Variants in CDH22 observed in about 807,000 individuals in gnomAD.
CDH22 encodes the protein cadherin-22.
A neutral mutation model predicts 58.4 loss-of-function variants in CDH22; 30 were observed. The ratio of observed to expected loss-of-function variants is 0.51; its 90% confidence interval spans 0.38 to 0.70. The LOEUF is 0.70. Ranked by LOEUF, CDH22 falls within the 30% of genes least tolerant of loss-of-function variation. The probability of loss-of-function intolerance (pLI) is 0.00; values close to 1 mark genes in which losing one functional copy is unlikely to be tolerated. For missense variants in CDH22, 1,014 were observed against 1,233.9 expected, an observed-to-expected ratio of 0.82 and a Z score of 2.67; for synonymous variants, 513 against 558.2, an observed-to-expected ratio of 0.92 and a Z score of 1.14.
chr20:46,277,916 G>A (rs943951204), intron 1 of CDH22, among the ~76,000 whole-genome samples: 3 of 152,010 alleles, frequency 2.0e-5, no homozygotes, highest in Admixed American at 2.0e-4. Flanking sequence ...AGGCAGGGCC[G>A]AGGGAGGGCT....
In CDH22 at chr20:46,210,441, G is replaced by A. The variant is rs763419403; in HGVS notation, c.1152C>T (p.Ala384=). 1 of 1,447,674 alleles carries A rather than the reference G, an allele frequency of 6.9e-7. No homozygotes were observed. The highest frequency in any genetic ancestry group is 1.5e-5 in the South Asian group (1 of 67,828). The allele number at this position is 1,447,674 out of a possible 1,614,324, so 89.7% of individuals were successfully genotyped here. Residue 384 remains alanine, a synonymous_variant, in exon 7 of 12, where the codon GCC becomes GCT. Transcript: ENST00000537909. The surrounding 1 kb of genome is among the most constrained non-coding windows in gnomAD (Gnocchi z 4.5). ...CGGGGGGCTCGTCCACGTCGGTCAC[G>A]GCCACGCGCACGATCGCCTGGTCGC... ...TFRDQAIVRV[A]VTDVDEPPEF... is the part of the protein sequence containing the mutation.
rs372950957 is a variant in CDH22 at position 46,178,049 on chromosome 20, G to A, written c.1812C>T (p.Ser604=). 4.5e-5 allele frequency: 72 copies of A among 1,613,744 alleles called. No homozygotes were observed. Among genetic ancestry groups the A allele is most frequent in the Non-Finnish European group, 5.5e-5 (65 of 1,179,986 alleles). Residue 604 remains serine, a synonymous_variant, in exon 11 of 12, where the codon AGC becomes AGT. Coordinates refer to ENST00000537909, the MANE Select transcript of CDH22 (RefSeq NM_021248.3). Reference sequence around the variant, plus strand: ...TGTTGCAGGACTGGATGGTGCCGGAGCTGTCGCAGCCACAGATGCGGATGG... The same window carrying A: ...TGTTGCAGGACTGGATGGTGCCGGAACTGTCGCAGCCACAGATGCGGATGG... ...TLTIRICGCD[S]SGTIQSCNTT...
At chr20:46,192,957 G>A (rs2085872207) in intron 8 of CDH22, among the ~76,000 whole-genome samples, 1 of 152,044 alleles carries the variant, frequency 6.6e-6, no homozygotes, top group African/African-American at 2.4e-5. Context: ...GCCCTTCTCT[G>A]TCCCTTGAAG....
intron 8 of CDH22, 33 bp from the exon 9 acceptor site, chr20:46,186,980 C>T: frequency 6.5e-7 from 1 of 1,537,240 alleles, no homozygotes; most frequent in Non-Finnish European, 8.8e-7. Flanking sequence ...AGGGGAGAGG[C>T]ATCAAGTGGG....
chr20:46,221,028 C>T (rs1181925691), intron 4 of CDH22, among the ~76,000 whole-genome samples: 1 of 152,116 alleles, frequency 6.6e-6, no homozygotes, highest in East Asian at 1.9e-4. Flanking sequence ...TTGATAAGCC[C>T]CTGTATGCTG....
At chr20:46,297,053 T>C (rs1485595953) in intron 1 of CDH22, among the ~76,000 whole-genome samples, 2 of 152,134 alleles carry the variant, frequency 1.3e-5, no homozygotes, top group Non-Finnish European at 2.9e-5. Context: ...TGAAGCTGGC[T>C]GAGTTGATGC....
chr20:46,260,564 T>C (rs894885659), intron 1 of CDH22, among the ~76,000 whole-genome samples: 1 of 152,174 alleles, frequency 6.6e-6, no homozygotes, highest in Non-Finnish European at 1.5e-5. Flanking sequence ...AACTGGGGCC[T>C]GGGAGGGACT....
At position 46,251,029 on chromosome 20, in the gene CDH22, C is replaced by A. The variant is rs1216439050; in HGVS notation, c.255+11G>T. On this transcript the variant is annotated intron_variant, in intron 2 of 11. Transcript: ENST00000537909. The surrounding 1 kb of genome is among the most constrained non-coding windows in gnomAD (Gnocchi z 6.7). ...CCTGGGATCTGGAGTTGGAGTGGGG[C>A]CCCACTTTACCTTGCCCACATACAG... The A allele has an allele frequency of 1.9e-6, 3 of 1,583,280 alleles. No individual in the cohort carries two copies. Among genetic ancestry groups the A allele is most frequent in the African/African-American group, 2.7e-5 (2 of 73,994 alleles).
intron 1 of CDH22, among the ~76,000 whole-genome samples, chr20:46,303,594 G>A (rs940343446): frequency 2.0e-5 from 3 of 152,176 alleles, no homozygotes; most frequent in Non-Finnish European, 4.4e-5. Flanking sequence ...GATAATGAAT[G>A]TATGGTCAGA....
chr20:46,232,168 T>C (rs914773188), intron 3 of CDH22, among the ~76,000 whole-genome samples: 2 of 152,210 alleles, frequency 1.3e-5, no homozygotes, highest in African/African-American at 4.8e-5. Flanking sequence ...ATTCTTTTTT[T>C]TTCTTATCCC....
rs6104508 is a variant in CDH22 at position 46,228,556 on chromosome 20, G to C, written c.551-929C>G. Among the ~76,000 whole-genome samples the C allele has an allele frequency of 4.2e-3, 632 of 152,166 alleles. 6 individuals carry two copies. Among genetic ancestry groups the C allele is most frequent in the African/African-American group, 0.014 (596 of 41,512 alleles). Reference sequence around the variant, plus strand: ...GGGACGTGAGGCTAGACCAGGTGGGGGTGGGGGTAAGGGTGGGGGAGGGTC... The same window carrying C: ...GGGACGTGAGGCTAGACCAGGTGGGCGTGGGGGTAAGGGTGGGGGAGGGTC... On this transcript the variant is annotated intron_variant, in intron 3 of 11. Coordinates refer to ENST00000537909, the MANE Select transcript of CDH22 (RefSeq NM_021248.3).
intron 1 of CDH22, among the ~76,000 whole-genome samples, chr20:46,253,319 T>C (rs1293217842): frequency 6.6e-6 from 1 of 151,940 alleles, no homozygotes; most frequent in East Asian, 1.9e-4. Context: ...AGTTTCAGGG[T>C]GGGGAGTCAT....
At position 46,216,332 on chromosome 20, in the gene CDH22, C is replaced by T. The variant is rs2086084944; in HGVS notation, c.838+494G>A. Among the ~76,000 whole-genome samples the T allele has an allele frequency of 6.6e-6, 1 of 152,234 alleles. No individual in the cohort carries two copies. The highest frequency in any genetic ancestry group is 2.4e-5 in the African/African-American group (1 of 41,460). ...CAGGCTCAGAGGAGGAGGGAAATGC[C>T]TGTCACTCAGACTTAGTTTTTCTCT... On this transcript the variant is annotated intron_variant, in intron 5 of 11. Coordinates refer to ENST00000537909, the MANE Select transcript of CDH22 (RefSeq NM_021248.3). The surrounding 1 kb of genome is among the most constrained non-coding windows in gnomAD (Gnocchi z 5.3).
chr20:46,192,996 A>G (rs1233240468), intron 8 of CDH22, among the ~76,000 whole-genome samples: 1 of 151,972 alleles, frequency 6.6e-6, no homozygotes, highest in Non-Finnish European at 1.5e-5. Context: ...TGGTTTCCAC[A>G]TGGAGACTGG....
chr20:46,175,589 C>G (rs1166198934), intron 11 of CDH22, among the ~76,000 whole-genome samples: 1 of 152,192 alleles, frequency 6.6e-6, no homozygotes, highest in Non-Finnish European at 1.5e-5. Context: ...TGCAGGAACC[C>G]TTCCCTGAGA....
intron 3 of CDH22, among the ~76,000 whole-genome samples, chr20:46,235,351 A>C (rs540517800): frequency 4.0e-4 from 61 of 152,208 alleles, no homozygotes; most frequent in Non-Finnish European, 1.8e-4. Context: ...GTCTAGTCCA[A>C]TTCTTCTCTA....
Position 46,210,809 on chromosome 20 carries a change from C to G in CDH22, c.1033-249G>C, listed in dbSNP as rs1010353747. Among the ~76,000 whole-genome samples, 1 of 152,208 alleles carries G rather than the reference C, an allele frequency of 6.6e-6. No homozygotes were observed. Among genetic ancestry groups the G allele is most frequent in the Admixed American group, 6.5e-5 (1 of 15,286 alleles). On this transcript the variant is annotated intron_variant, in intron 6 of 11. Transcript: ENST00000537909. The surrounding 1 kb of genome is among the most constrained non-coding windows in gnomAD (Gnocchi z 4.5). ...CCACTCCAGGCTAACGCGCTGAGCA[C>G]CCAAACTTCCTGCTTCCCAGCGCAG...
intron 2 of CDH22, among the ~76,000 whole-genome samples, chr20:46,249,190 G>T (rs975318748): frequency 6.6e-6 from 1 of 152,162 alleles, no homozygotes; most frequent in African/African-American, 2.4e-5. Flanking sequence ...GCAGAACCAG[G>T]CCTCAAACTC....
At chr20:46,208,423 G>A (rs1044713697) in intron 7 of CDH22, among the ~76,000 whole-genome samples, 1 of 152,018 alleles carries the variant, frequency 6.6e-6, no homozygotes, top group South Asian at 2.1e-4. Context: ...CCTCTCCAAG[G>A]TGCCCTTCTG....
Sources: allele counts gnomAD v4.1 joint callset (sites outside exome capture counted in the v4.1 genomes callset), GRCh38; gene constraint gnomAD v4.1.1; non-coding constraint Gnocchi (gnomAD v3.1); transcripts MANE v1.5; gene names NCBI Gene and HGNC (gene_info 2026-07-23, HGNC 2026-07-21).